Variants in ATG7 observed in about 807,000 individuals in gnomAD.
ATG7 encodes ubiquitin-like modifier-activating enzyme ATG7.
ATG7 carries 70 observed loss-of-function variants against 82.4 expected under a neutral mutation model. The observed-to-expected ratio is 0.85, with a 90% CI of 0.70 to 1.04. The LOEUF is 1.04. Ranked by LOEUF, ATG7 falls within the 50% of genes least tolerant of loss-of-function variation. The probability of loss-of-function intolerance (pLI) is 0.00; values close to 1 mark genes in which losing one functional copy is unlikely to be tolerated. For synonymous variants in ATG7, 287 were observed against 313.0 expected (o/e 0.92, Z 0.88); for missense variants, 792 against 864.3 (o/e 0.92, Z 1.05).
chr3:11,449,652 C>T (rs538354357), intron 20 of ATG7, among the ~76,000 whole-genome samples: 15 of 152,270 alleles, frequency 9.9e-5, no homozygotes, highest in African/African-American at 3.4e-4. Context: ...ATAAATCTAA[C>T]GTGTGTATTT....
At chr3:11,551,329 G>A (rs555201143) in intron 20 of ATG7, among the ~76,000 whole-genome samples, 48 of 152,280 alleles carry the variant, frequency 3.2e-4, no homozygotes, top group African/African-American at 1.1e-3. Context: ...GAACCAGCTC[G>A]CCCGGCTCCA....
At chr3:11,322,458 T>A (rs1476316086) in intron 9 of ATG7, among the ~76,000 whole-genome samples, 3 of 152,232 alleles carry the variant, frequency 2.0e-5, no homozygotes, top group Non-Finnish European at 4.4e-5. Flanking sequence ...TCTCTGTTTT[T>A]AAAATGTCGC....
intron 20 of ATG7, among the ~76,000 whole-genome samples, chr3:11,473,320 CTGAG>C (rs1284006198): frequency 3.3e-5 from 5 of 152,188 alleles, no homozygotes; most frequent in African/African-American, 1.2e-4. Flanking sequence ...TTGTCACTTA[CTGAG>C]TACCTGTTTT....
At chr3:11,314,933 A>C (rs1439305679) in intron 8 of ATG7, among the ~76,000 whole-genome samples, 1 of 152,168 alleles carries the variant, frequency 6.6e-6, no homozygotes, top group Non-Finnish European at 1.5e-5. Flanking sequence ...AAAAAGTAGT[A>C]AATGGGTGAG....
At chr3:11,300,785 T>G (rs1436659997) in intron 5 of ATG7, among the ~76,000 whole-genome samples, 3 of 152,192 alleles carry the variant, frequency 2.0e-5, no homozygotes, top group African/African-American at 7.2e-5. Context: ...ATTCAATAAA[T>G]TACCTGAGAT....
intron 11 of ATG7, among the ~76,000 whole-genome samples, chr3:11,333,659 CAT>C (rs1166535185): frequency 6.6e-6 from 1 of 150,550 alleles, no homozygotes; most frequent in African/African-American, 2.4e-5. Context: ...TATATATACA[CAT>C]ATATATATTT....
At chr3:11,459,980 C>T (rs2086147964) in intron 20 of ATG7, among the ~76,000 whole-genome samples, 1 of 152,202 alleles carries the variant, frequency 6.6e-6, no homozygotes, top group Non-Finnish European at 1.5e-5. Flanking sequence ...CACCATACTG[C>T]CTCTTACATG....
intron 3 of ATG7, among the ~76,000 whole-genome samples, chr3:11,284,331 C>T (rs1310228515): frequency 6.6e-6 from 1 of 152,220 alleles, no homozygotes. Flanking sequence ...ATTCTATAAG[C>T]AGCCAAGCCA....
intron 11 of ATG7, among the ~76,000 whole-genome samples, chr3:11,333,370 T>C (rs1208138209): frequency 6.6e-6 from 1 of 152,210 alleles, no homozygotes; most frequent in African/African-American, 2.4e-5. Flanking sequence ...CAATTTTACT[T>C]TTCTTTAACA....
At chr3:11,550,954 T>C (rs1199828778) in intron 20 of ATG7, among the ~76,000 whole-genome samples, 2 of 152,088 alleles carry the variant, frequency 1.3e-5, no homozygotes, top group African/African-American at 2.4e-5. Flanking sequence ...TGGATTTTTA[T>C]CCCATTTGGA....
chr3:11,452,405 AAAAG>A (rs2085283973), intron 20 of ATG7, among the ~76,000 whole-genome samples: 1 of 151,314 alleles, frequency 6.6e-6, no homozygotes, highest in African/African-American at 2.4e-5. Flanking sequence ...AAAAAAAAAA[AAAAG>A]GAAATGTTCT....
chr3:11,551,795 C>T (rs577947929), intron 20 of ATG7, among the ~76,000 whole-genome samples: 170 of 151,824 alleles, frequency 1.1e-3, no homozygotes, highest in Non-Finnish European at 2.1e-3. Context: ...GTCGCCCAGG[C>T]TGGAGTATAG....
intron 20 of ATG7, among the ~76,000 whole-genome samples, chr3:11,479,004 A>ACACACC (rs2088603871): frequency 1.5e-5 from 2 of 132,660 alleles, no homozygotes; most frequent in Non-Finnish European, 3.3e-5. Context: ...ACACACACAC[A>ACACACC]CACACACACA....
chr3:11,348,021 A>T lies in ATG7; in HGVS notation c.1270A>T (p.Ile424Leu), dbSNP rs751368135. 4.3e-6 allele frequency: 7 copies of T among 1,613,668 alleles called. No homozygotes were observed. Among genetic ancestry groups the T allele is most frequent in the Non-Finnish European group, 5.9e-6 (7 of 1,179,776 alleles). The stretch of plus-strand genomic sequence containing the variant: ...GGCAGCAGCGGACCGGCTCCAGAAA[A>T]TATTCCCCGGTGTGGTATGTTGTTG... ...ALAAADRLQK[I>L]FPGVNARGFN... Residue 424 changes from isoleucine (I) to leucine (L), a missense_variant, in exon 14 of 21, where the codon ATA (isoleucine) becomes TTA (leucine). Transcript: ENST00000693202.
chr3:11,512,070 C>T (rs988485916), intron 20 of ATG7, among the ~76,000 whole-genome samples: 6 of 152,194 alleles, frequency 3.9e-5, no homozygotes, highest in Non-Finnish European at 5.9e-5. Context: ...CTGAAGGGCT[C>T]CTCAAATGCC....
At chr3:11,547,672 G>A (rs1269695075) in intron 20 of ATG7, among the ~76,000 whole-genome samples, 1 of 152,140 alleles carries the variant, frequency 6.6e-6, no homozygotes, top group African/African-American at 2.4e-5. Flanking sequence ...CCACATCCTT[G>A]TCAACACTTA....
intron 16 of ATG7, among the ~76,000 whole-genome samples, chr3:11,361,518 C>G (rs1241602647): frequency 6.6e-6 from 1 of 152,008 alleles, no homozygotes; most frequent in Non-Finnish European, 1.5e-5. Context: ...CTCCTGACCT[C>G]GTGATCCACC....
chr3:11,509,563 G>T (rs1485888676), intron 20 of ATG7, among the ~76,000 whole-genome samples: 1 of 152,118 alleles, frequency 6.6e-6, no homozygotes, highest in Non-Finnish European at 1.5e-5. Context: ...TTAAGTAAGT[G>T]ACGTTTTAGA....
rs184408344 is a variant in ATG7, at chr3:11,500,371, C to T, written c.2080-54440C>T. Among the ~76,000 whole-genome samples the T allele has an allele frequency of 4.7e-3, 708 of 152,022 alleles. 6 individuals are homozygous for T. The highest frequency in any genetic ancestry group is 8.1e-3 in the Non-Finnish European group (549 of 67,964). On this transcript the variant is annotated intron_variant, in intron 20 of 20. Coordinates refer to ENST00000693202, the MANE Select transcript of ATG7 (RefSeq NM_001349232.2). ...TAGTTGCCACAAAAATTGATCATAT[C>T]GAGTAGGACACCAAGAAAACCACAG...
Sources: allele counts gnomAD v4.1 joint callset (sites outside exome capture counted in the v4.1 genomes callset), GRCh38; gene constraint gnomAD v4.1.1; transcripts MANE v1.5; gene names NCBI Gene and HGNC (gene_info 2026-07-23, HGNC 2026-07-21).